Variants in CGNL1 observed in about 807,000 individuals in gnomAD.
The protein encoded by CGNL1 is cingulin-like protein 1.
Under a neutral mutation model 141.2 loss-of-function variants are expected in CGNL1, and 132 were observed. The ratio of observed to expected loss-of-function variants is 0.93; its 90% confidence interval spans 0.81 to 1.08. CGNL1 has a LOEUF of 1.08. CGNL1 is among the 50% of genes least tolerant of loss of function. CGNL1 has a pLI of 0.00. For synonymous variants in CGNL1, 690 were observed against 622.1 expected (o/e 1.11, Z -1.63); for missense variants, 1,870 against 1,588.6 (o/e 1.18, Z -3.01).
chr15:57,504,567 G>A (rs531461402), intron 8 of CGNL1, among the ~76,000 whole-genome samples: 2 of 152,326 alleles, frequency 1.3e-5, no homozygotes, highest in Admixed American at 6.5e-5. Context: ...GTAGCTTAAC[G>A]AAGAAAAGCT....
At chr15:57,479,167 CT>C (rs1380866744) in intron 8 of CGNL1, among the ~76,000 whole-genome samples, 1 of 152,172 alleles carries the variant, frequency 6.6e-6, no homozygotes, top group East Asian at 1.9e-4. Flanking sequence ...TGGCTGGCAC[CT>C]TTATCCAGCC....
intron 1 of CGNL1, among the ~76,000 whole-genome samples, chr15:57,427,007 A>G (rs2062983370): frequency 6.6e-6 from 1 of 152,106 alleles, no homozygotes; most frequent in Non-Finnish European, 1.5e-5. Context: ...GTCTAAATGA[A>G]TGGCCGTTCT....
At chr15:57,405,457 TTC>T (rs2062705154) in intron 1 of CGNL1, among the ~76,000 whole-genome samples, 1 of 152,224 alleles carries the variant, frequency 6.6e-6, no homozygotes, top group South Asian at 2.1e-4. Flanking sequence ...AGGTAAGATT[TTC>T]TCTTTCCAAA....
chr15:57,388,347 T>C (rs1485479735), intron 1 of CGNL1, among the ~76,000 whole-genome samples: 1 of 152,106 alleles, frequency 6.6e-6, no homozygotes, highest in Non-Finnish European at 1.5e-5. Flanking sequence ...GGTCTTTCCT[T>C]TGTGCTGGAC....
chr15:57,521,824 C>T (rs1336138877), intron 10 of CGNL1, among the ~76,000 whole-genome samples: 1 of 151,674 alleles, frequency 6.6e-6, no homozygotes, highest in African/African-American at 2.4e-5. Context: ...GGATTGGGGT[C>T]TAAGAGGAGG....
At position 57,524,718 on chromosome 15, in the gene CGNL1, G is replaced by A. The variant is rs530973489; in HGVS notation, c.3006G>A (p.Lys1002=). The part of the protein sequence containing the change: ...QLKEKTLEAE[K]SRLTAMKMQD... ...AGGAGAAAACGCTGGAGGCAGAAAA[G>A]TCCCGACTGACAGCCATGAAAATGC... The change falls in exon 12 of 19, where the codon AAG becomes AAA. Residue 1002 remains lysine, a synonymous_variant. Transcript: ENST00000281282. 7.2e-5 allele frequency: 117 copies of A among 1,614,174 alleles called. 1 individual carries two copies. In the South Asian group the frequency reaches 7.4e-4, roughly 10 times the overall value.
intron 10 of CGNL1, among the ~76,000 whole-genome samples, chr15:57,520,285 T>C (rs1277364505): frequency 6.6e-6 from 1 of 152,212 alleles, no homozygotes; most frequent in Non-Finnish European, 1.5e-5. Context: ...AGTCAGCTCC[T>C]TTTGTTTGGT....
At chr15:57,477,004 C>T (rs559616968) in intron 8 of CGNL1, among the ~76,000 whole-genome samples, 3 of 152,140 alleles carry the variant, frequency 2.0e-5, no homozygotes, top group Non-Finnish European at 4.4e-5. Context: ...TTTAACACTT[C>T]CCTTCTTTTT....
chr15:57,532,894 T>C (rs1324744319), intron 14 of CGNL1, among the ~76,000 whole-genome samples: 1 of 152,194 alleles, frequency 6.6e-6, no homozygotes, highest in African/African-American at 2.4e-5. Context: ...CCTTATGTTT[T>C]TGTCTTCTTT....
chr15:57,491,952 G>A (rs1373883369), intron 8 of CGNL1, among the ~76,000 whole-genome samples: 1 of 152,148 alleles, frequency 6.6e-6, no homozygotes, highest in Non-Finnish European at 1.5e-5. Flanking sequence ...CTGAGGAGCT[G>A]TCACAGCCAA....
intron 14 of CGNL1, among the ~76,000 whole-genome samples, chr15:57,540,174 C>G (rs1055587965): frequency 7.9e-5 from 12 of 152,100 alleles, no homozygotes; most frequent in Non-Finnish European, 1.5e-4. Flanking sequence ...TGGTCTGCCC[C>G]CTTCCGGTTT....
intron 1 of CGNL1, among the ~76,000 whole-genome samples, chr15:57,386,734 G>A (rs1051179583): frequency 3.9e-5 from 6 of 152,166 alleles, no homozygotes; most frequent in Admixed American, 2.0e-4. Context: ...AGATGGGTGC[G>A]AGGCTTCAGC....
intron 4 of CGNL1, among the ~76,000 whole-genome samples, chr15:57,451,111 G>A (rs1378941959): frequency 6.6e-6 from 1 of 152,184 alleles, no homozygotes; most frequent in Non-Finnish European, 1.5e-5. Context: ...AATTTATTAT[G>A]GAGAGGCTTT....
intron 1 of CGNL1, among the ~76,000 whole-genome samples, chr15:57,377,504 A>G (rs202119570): frequency 6.6e-6 from 1 of 152,070 alleles, no homozygotes; most frequent in African/African-American, 2.4e-5. Flanking sequence ...AGTTGCTCCC[A>G]CCAGCCACTC....
intron 8 of CGNL1, chr15:57,477,360 C>A (rs186418016): frequency 2.6e-5 from 4 of 152,222 alleles, no homozygotes; most frequent in Admixed American, 2.0e-4. Context: ...GACAGTGCAA[C>A]GAAGACTTAG....
At chr15:57,440,735 A>G (rs1357373655) in intron 3 of CGNL1, among the ~76,000 whole-genome samples, 1 of 152,188 alleles carries the variant, frequency 6.6e-6, no homozygotes, top group Non-Finnish European at 1.5e-5. Flanking sequence ...TACTATTTCA[A>G]AAGCAAATTC....
rs1310312156 is a variant in CGNL1, at chr15:57,438,917, C to G, written c.918C>G (p.Ala306=). 2 of 1,614,194 alleles carry G rather than the reference C, an allele frequency of 1.2e-6. No individual in the cohort carries two copies. The highest frequency in any genetic ancestry group is 1.7e-6 in the Non-Finnish European group (2 of 1,180,042). ...SSSSSTTPTS[A]NSLYRFLLDD... is the part of the protein sequence containing the mutation. Reference sequence around the variant, plus strand: ...CGTCATCCACAACTCCCACGTCAGCCAACTCTTTGTACAGGTTTTTACTGG... The same window carrying G: ...CGTCATCCACAACTCCCACGTCAGCGAACTCTTTGTACAGGTTTTTACTGG... The change falls in exon 2 of 19, where the codon GCC becomes GCG. Residue 306 remains alanine (A), a synonymous_variant. Coordinates refer to ENST00000281282, the MANE Select transcript of CGNL1 (RefSeq NM_032866.5).
At chr15:57,412,597 G>T (rs74019107) in intron 1 of CGNL1, among the ~76,000 whole-genome samples, 2 of 152,172 alleles carry the variant, frequency 1.3e-5, no homozygotes, top group East Asian at 3.9e-4. Flanking sequence ...ACCTCATGGG[G>T]AACTCATTGT....
At chr15:57,457,627 A>G (rs1217694491) in intron 7 of CGNL1, among the ~76,000 whole-genome samples, 2 of 152,178 alleles carry the variant, frequency 1.3e-5, no homozygotes, top group African/African-American at 4.8e-5. Context: ...ATCGTGGCAG[A>G]GGGTGAAAGG....
Sources: allele counts gnomAD v4.1 joint callset (sites outside exome capture counted in the v4.1 genomes callset), GRCh38; gene constraint gnomAD v4.1.1; transcripts MANE v1.5; gene names NCBI Gene and HGNC (gene_info 2026-07-23, HGNC 2026-07-21).